ABCB1: variants seen among roughly 807,000 people sequenced by gnomAD.
The protein encoded by ABCB1 is ATP binding cassette subfamily B member 1.
In ABCB1, 69 loss-of-function variants were observed where a neutral mutation model predicts 142.0. That is an observed-to-expected ratio of 0.49 (90% CI 0.40 to 0.59). The LOEUF (loss-of-function observed/expected upper bound fraction) is 0.59. Among genes scored for constraint, ABCB1 ranks in the 20% least tolerant of loss-of-function variants. ABCB1 has a pLI of 0.00. For synonymous variants in ABCB1, 532 were observed against 539.2 expected (o/e 0.99, Z 0.18); for missense variants, 1,326 against 1,554.7 (o/e 0.85, Z 2.47).
At chr7:87,522,584 C>T (rs998023664) in intron 21 of ABCB1, among the ~76,000 whole-genome samples, 2 of 152,028 alleles carry the variant, frequency 1.3e-5, no homozygotes, top group African/African-American at 4.8e-5. Context: ...GTAAAAAACT[C>T]GAGGACTATA....
chr7:87,592,251 T>C (rs1358650297), intron 3 of ABCB1, among the ~76,000 whole-genome samples: 1 of 152,142 alleles, frequency 6.6e-6, no homozygotes, highest in African/African-American at 2.4e-5. Flanking sequence ...TGAGTGGTAA[T>C]AATGATGTAA....
chr7:87,505,777 C>A, intron 27 of ABCB1, 120 bp downstream of exon 27: 1 of 1,236,282 alleles, frequency 8.1e-7, no homozygotes, highest in Non-Finnish European at 1.2e-6. Context: ...TTACATTTTA[C>A]TGAAAGGTGA....
At chr7:87,573,040 G>A (rs779221959) in intron 4 of ABCB1, among the ~76,000 whole-genome samples, 1 of 152,148 alleles carries the variant, frequency 6.6e-6, no homozygotes, top group Non-Finnish European at 1.5e-5. Context: ...TTCGTATGCT[G>A]CTGATAAAAA....
At chr7:87,550,697 G>T (rs1417489360) in intron 10 of ABCB1, 28 bp downstream of exon 10, 3 of 1,562,996 alleles carry the variant, frequency 1.9e-6, no homozygotes, top group East Asian at 4.5e-5. Context: ...CTTTTAGATA[G>T]GTGGATAGAT....
intron 3 of ABCB1, among the ~76,000 whole-genome samples, chr7:87,595,214 G>A (rs377623963): frequency 5.9e-5 from 9 of 152,036 alleles, no homozygotes; most frequent in Admixed American, 2.0e-4. Flanking sequence ...TAAGGTTTTC[G>A]AATTCTAGAT....
At chr7:87,526,984 T>C (rs767434882) in intron 21 of ABCB1, among the ~76,000 whole-genome samples, 1 of 151,838 alleles carries the variant, frequency 6.6e-6, no homozygotes, top group Admixed American at 6.6e-5. Context: ...AAGTCCTTTG[T>C]GGCATTTTTT....
chr7:87,581,493 A>G (rs1818504378), intron 4 of ABCB1, among the ~76,000 whole-genome samples: 2 of 152,202 alleles, frequency 1.3e-5, no homozygotes, highest in African/African-American at 4.8e-5. Context: ...ATATGACAGA[A>G]TCAGAGAGTT....
At chr7:87,628,840 T>C in intron 1 of ABCB1, 1 of 1,262,362 alleles carries the variant, frequency 7.9e-7, no homozygotes, top group Non-Finnish European at 1.0e-6. Flanking sequence ...TCCCGGAGCC[T>C]GGGGGGCCTG....
At chr7:87,570,857 T>C (rs951928012) in intron 4 of ABCB1, among the ~76,000 whole-genome samples, 1 of 152,194 alleles carries the variant, frequency 6.6e-6, no homozygotes, top group Non-Finnish European at 1.5e-5. Context: ...TACGCATGTA[T>C]ATACACACAA....
chr7:87,659,125 G>C, intron 1 of ABCB1: 1 of 324,146 alleles, frequency 3.1e-6, no homozygotes, highest in Admixed American at 4.0e-5. Flanking sequence ...TCATGCCACT[G>C]CAATCTAGCC....
intron 1 of ABCB1, among the ~76,000 whole-genome samples, chr7:87,678,306 G>C (rs1287559767): frequency 6.6e-6 from 1 of 152,134 alleles, no homozygotes; most frequent in Non-Finnish European, 1.5e-5. Context: ...AAGGTTTCCA[G>C]GTTTGCATGT....
intron 26 of ABCB1, among the ~76,000 whole-genome samples, chr7:87,508,711 T>C (rs1439452201): frequency 2.0e-5 from 3 of 152,150 alleles, no homozygotes; most frequent in South Asian, 4.1e-4. Flanking sequence ...CAACCCTTAT[T>C]CAGAGAGAGC....
intron 1 of ABCB1, among the ~76,000 whole-genome samples, chr7:87,708,380 A>G (rs1829788891): frequency 6.6e-6 from 1 of 152,154 alleles, no homozygotes; most frequent in Non-Finnish European, 1.5e-5. Context: ...TCTATTATAT[A>G]AATTTGAAAA....
chr7:87,633,674 T>A (rs1821450699), intron 1 of ABCB1, among the ~76,000 whole-genome samples: 1 of 152,188 alleles, frequency 6.6e-6, no homozygotes, highest in Non-Finnish European at 1.5e-5. Flanking sequence ...TTTAATTTTT[T>A]TTTTTTTAAA....
At chr7:87,588,433 G>A (rs766199055) in intron 3 of ABCB1, among the ~76,000 whole-genome samples, 5 of 152,174 alleles carry the variant, frequency 3.3e-5, no homozygotes, top group Non-Finnish European at 7.3e-5. Flanking sequence ...AACATGTGGT[G>A]TTTGGTTTTC....
chr7:87,616,803 T>C (rs1010197573), intron 1 of ABCB1, among the ~76,000 whole-genome samples: 1 of 152,338 alleles, frequency 6.6e-6, no homozygotes, highest in African/African-American at 2.4e-5. Context: ...TTGTATATGC[T>C]CTTCCCTTGT....
intron 21 of ABCB1, among the ~76,000 whole-genome samples, chr7:87,525,071 T>G (rs996016346): frequency 6.6e-6 from 1 of 152,170 alleles, no homozygotes. Context: ...ACTTCAGGAC[T>G]GTCTTCATCT....
chr7:87,626,257 A>G (rs182195031), intron 1 of ABCB1, among the ~76,000 whole-genome samples: 7 of 71,366 alleles, frequency 9.8e-5, no homozygotes, highest in Non-Finnish European at 1.2e-4. Flanking sequence ...TGTCATATAT[A>G]TGTGTCATAT....
chr7:87,700,680 G>A, intron 1 of ABCB1: 1 of 790,580 alleles, frequency 1.3e-6, no homozygotes. Context: ...AATACGTCCT[G>A]TTCTGTGATG....
Sources: allele counts gnomAD v4.1 joint callset (sites outside exome capture counted in the v4.1 genomes callset), GRCh38; gene constraint gnomAD v4.1.1; transcripts MANE v1.5; gene names NCBI Gene and HGNC (gene_info 2026-07-23, HGNC 2026-07-21).